The following APOO variants were observed in gnomAD, a reference collection of about 807,000 sequenced individuals.
The protein encoded by APOO is apolipoprotein O.
APOO carries 11 observed loss-of-function variants against 23.1 expected under a neutral mutation model. That is an observed-to-expected ratio of 0.48 (90% CI 0.30 to 0.79). The LOEUF is 0.79. APOO is among the 30% of genes least tolerant of loss of function. The pLI, the probability that APOO is intolerant of heterozygous loss-of-function variation, is 0.07. For missense variants in APOO, 160 were observed against 142.7 expected (o/e 1.12, Z -0.62); for synonymous variants, 59 against 54.8 (o/e 1.08, Z -0.34).
intron 1 of APOO, among the ~76,000 whole-genome samples, chrX:23,893,373 C>T (rs1459828833): frequency 7.4e-5 from 8 of 108,794 alleles, no homozygotes; most frequent in Non-Finnish European, 1.5e-4. Context: ...TGCAGTGAGC[C>T]GACATCACGC....
intron 4 of APOO, among the ~76,000 whole-genome samples, chrX:23,871,964 A>G (rs1925640245): frequency 1.8e-5 from 2 of 111,996 alleles, no homozygotes; most frequent in Non-Finnish European, 3.8e-5. Context: ...TGTTTGCATT[A>G]ATTACTGTCT....
intron 7 of APOO, among the ~76,000 whole-genome samples, chrX:23,846,928 G>A (rs955683837): frequency 2.4e-4 from 27 of 111,607 alleles, no homozygotes; most frequent in Non-Finnish European, 1.5e-4. Flanking sequence ...AAGCCATATT[G>A]AGAAAAGACA....
At chrX:23,836,451 A>G (rs1406155714) in intron 8 of APOO, among the ~76,000 whole-genome samples, 1 of 111,127 alleles carries the variant, frequency 9.0e-6, no homozygotes, top group Non-Finnish European at 1.9e-5. Context: ...AGTAGCTGGG[A>G]CTACAGGCGC....
At chrX:23,881,109 C>T (rs1161674002) in intron 1 of APOO, among the ~76,000 whole-genome samples, 157 bp from the exon 2 acceptor site, 1 of 111,000 alleles carries the variant, frequency 9.0e-6, no homozygotes, top group Non-Finnish European at 1.9e-5. Context: ...GAGTCTTGCT[C>T]TGTTACCCAG....
At chrX:23,890,105 A>G (rs748978330) in intron 1 of APOO, among the ~76,000 whole-genome samples, 5 of 112,069 alleles carry the variant, frequency 4.5e-5, no homozygotes, top group African/African-American at 1.6e-4. Context: ...CTTAGAGAAC[A>G]GTTATTCAAC....
chrX:23,896,301 C>T (rs1296111313), intron 1 of APOO, among the ~76,000 whole-genome samples: 1 of 110,388 alleles, frequency 9.1e-6, no homozygotes, highest in Non-Finnish European at 1.9e-5. Context: ...CAGTGGTTGT[C>T]TATAGGTGGT....
At chrX:23,840,258 A>C in intron 8 of APOO, 55 bp downstream of exon 8, 1 of 712,286 alleles carries the variant, frequency 1.4e-6, no homozygotes, top group South Asian at 3.7e-5. Context: ...AAAACAAGTC[A>C]TTTCAGCTGG....
intron 1 of APOO, among the ~76,000 whole-genome samples, chrX:23,890,027 A>G (rs943128593): frequency 2.7e-5 from 3 of 111,532 alleles, no homozygotes; most frequent in Non-Finnish European, 5.7e-5. Context: ...CTCTGAATCT[A>G]AGAGGGGCCC....
intron 6 of APOO, among the ~76,000 whole-genome samples, chrX:23,857,713 G>C (rs1375552244): frequency 9.0e-6 from 1 of 111,414 alleles, no homozygotes; most frequent in African/African-American, 3.3e-5. Flanking sequence ...ATGTGATGTG[G>C]TAGTTCCAGC....
At chrX:23,878,172 G>A (rs1925944142) in intron 3 of APOO, among the ~76,000 whole-genome samples, 1 of 111,798 alleles carries the variant, frequency 8.9e-6, no homozygotes. Flanking sequence ...GTATAGTGGG[G>A]GGAGAAAAAC....
chrX:23,861,546 C>G (rs1316274749), intron 5 of APOO, among the ~76,000 whole-genome samples: 1 of 76,579 alleles, frequency 1.3e-5, no homozygotes, highest in Non-Finnish European at 2.4e-5. Context: ...GGTGATAAAG[C>G]AAGATCCTGT....
chrX:23,905,160 G>T (rs1171485660), intron 1 of APOO, among the ~76,000 whole-genome samples: 1 of 109,365 alleles, frequency 9.1e-6, no homozygotes, highest in Non-Finnish European at 1.9e-5. Context: ...AGGCCAAGGC[G>T]GGCGAATCAC....
chrX:23,855,403 C>A lies in APOO; in HGVS notation c.561+899G>T, dbSNP rs192693247. On this transcript the variant is annotated intron_variant, in intron 7 of 8. Coordinates refer to ENST00000379226, the MANE Select transcript of APOO (RefSeq NM_024122.5). Reference sequence around the variant, plus strand: ...AATTTATTCTGTTACTTCCAAATCCCAGTTCAAAATTCTGGATTTTAATTC... The same window carrying A: ...AATTTATTCTGTTACTTCCAAATCCAAGTTCAAAATTCTGGATTTTAATTC... Among the ~76,000 whole-genome samples, 3 of 111,201 alleles carry A rather than the reference C, an allele frequency of 2.7e-5. No individual in the cohort carries two copies. In the East Asian group the frequency reaches 8.4e-4, roughly 31 times the overall value.
intron 1 of APOO, among the ~76,000 whole-genome samples, chrX:23,896,268 A>C (rs1349264240): frequency 1.2e-5 from 1 of 85,742 alleles, no homozygotes; most frequent in Non-Finnish European, 2.4e-5. Context: ...ACTCCGTCTC[A>C]AAAAAAAAAA....
chrX:23,863,105 G>C (rs373388933), intron 5 of APOO, among the ~76,000 whole-genome samples: 9 of 112,034 alleles, frequency 8.0e-5, no homozygotes, highest in African/African-American at 2.9e-4. Flanking sequence ...AGGCTGAGGC[G>C]GGTGGATCAC....
intron 7 of APOO, among the ~76,000 whole-genome samples, chrX:23,854,303 G>GT (rs1491222514): frequency 9.0e-6 from 1 of 111,625 alleles, no homozygotes; most frequent in Non-Finnish European, 1.9e-5. Flanking sequence ...TTTGGTGTGC[G>GT]TGTGTGTCTG....
chrX:23,853,613 TTTTTTTTG>T (rs1208067430), intron 7 of APOO, among the ~76,000 whole-genome samples: 2 of 95,265 alleles, frequency 2.1e-5, no homozygotes, highest in African/African-American at 5.2e-5. Flanking sequence ...CGACCGTTTT[TTTTTTTTG>T]TTTGTTTGTT....
At chrX:23,854,822 C>T (rs985339119) in intron 7 of APOO, among the ~76,000 whole-genome samples, 2 of 110,130 alleles carry the variant, frequency 1.8e-5, no homozygotes, top group Non-Finnish European at 3.8e-5. Flanking sequence ...CGCACCTGGC[C>T]GCATTTGTTA....
intron 1 of APOO, among the ~76,000 whole-genome samples, chrX:23,884,327 GAGAGGAGAA>G (rs1926274870): frequency 1.8e-5 from 2 of 111,118 alleles, no homozygotes; most frequent in Admixed American, 9.7e-5. Context: ...GATTGCACAG[GAGAGGAGAA>G]AGAGGAGAAA....
Sources: allele counts gnomAD v4.1 joint callset (sites outside exome capture counted in the v4.1 genomes callset), GRCh38; gene constraint gnomAD v4.1.1; transcripts MANE v1.5; gene names NCBI Gene and HGNC (gene_info 2026-07-23, HGNC 2026-07-21).